Variants in CCR5AS observed in about 807,000 individuals in gnomAD.
CCR5AS encodes the protein CCR5 antisense RNA.
At chr3:46,393,495 AG>A (rs200323261) in intron 1 of CCR5AS, among the ~76,000 whole-genome samples, 85 of 148,106 alleles carry the variant, frequency 5.7e-4, no homozygotes, top group African/African-American at 1.8e-3. Flanking sequence ...AGAAAAAAAA[AG>A]AAGAAGAAAA....
At chr3:46,394,322 G>A (rs1429233638) in intron 1 of CCR5AS, among the ~76,000 whole-genome samples, 1 of 152,130 alleles carries the variant, frequency 6.6e-6, no homozygotes, top group African/African-American at 2.4e-5. Flanking sequence ...CCTCATCAAG[G>A]AGGGCTCTGG....
chr3:46,379,644 C>A (rs907979045), intron 2 of CCR5AS, among the ~76,000 whole-genome samples: 4 of 152,138 alleles, frequency 2.6e-5, no homozygotes, highest in African/African-American at 9.7e-5. Flanking sequence ...CCTGTAATCC[C>A]AGCACTTTGG....
Position 46,406,593 on chromosome 3 carries a change from C to T in CCR5AS, n.163+304G>A, listed in dbSNP as rs140734513. Among the ~76,000 whole-genome samples, 435 of 152,246 alleles carry T rather than the reference C, an allele frequency of 2.9e-3. 1 individual carries two copies. Among genetic ancestry groups the T allele is most frequent in the African/African-American group, 1.0e-2 (415 of 41,534 alleles). On this transcript the variant is annotated intron_variant and non_coding_transcript_variant, in intron 1 of 3. Coordinates refer to ENST00000451485, the Ensembl canonical transcript of CCR5AS. ...CATTCTCTCCCACCCAACTTGATGT[C>T]GCCTCTGTGTCATCACCACGGGATT...
chr3:46,391,188 G>T (rs1299684921), intron 2 of CCR5AS, among the ~76,000 whole-genome samples: 1 of 152,216 alleles, frequency 6.6e-6, no homozygotes, highest in African/African-American at 2.4e-5. Flanking sequence ...CAGATTTCCG[G>T]CACTTGAAGG....
intron 2 of CCR5AS, chr3:46,374,235 T>G (rs976456855): frequency 6.4e-6 from 2 of 310,484 alleles, no homozygotes; most frequent in African/African-American, 4.3e-5. Flanking sequence ...TGACAAACTC[T>G]CCCTTCACTC....
intron 2 of CCR5AS, among the ~76,000 whole-genome samples, chr3:46,382,047 C>T (rs1377455851): frequency 2.0e-5 from 3 of 152,196 alleles, no homozygotes; most frequent in African/African-American, 4.8e-5. Flanking sequence ...CAAAGAGAAG[C>T]CTGTAAAATT....
chr3:46,381,569 A>G (rs546634551), intron 2 of CCR5AS, among the ~76,000 whole-genome samples: 3 of 152,332 alleles, frequency 2.0e-5, no homozygotes, highest in Non-Finnish European at 4.4e-5. Flanking sequence ...CATACCGCTG[A>G]ATATAATAAA....
chr3:46,403,554 C>CT (rs763683045), intron 1 of CCR5AS, among the ~76,000 whole-genome samples: 15 of 152,312 alleles, frequency 9.8e-5, no homozygotes, highest in East Asian at 9.7e-4. Context: ...GCACAGCAGC[C>CT]AAGGAAGGGG....
intron 3 of CCR5AS, among the ~76,000 whole-genome samples, chr3:46,370,313 G>C (rs563762909): frequency 6.6e-6 from 1 of 151,940 alleles, no homozygotes; most frequent in Non-Finnish European, 1.5e-5. Context: ...TAGCTCACCC[G>C]TGAGCCCATA....
chr3:46,368,542 A>G (rs1701623348), intron 3 of CCR5AS, among the ~76,000 whole-genome samples: 1 of 152,216 alleles, frequency 6.6e-6, no homozygotes, highest in Non-Finnish European at 1.5e-5. Context: ...AAAGTGGAGT[A>G]ACGCACACTG....
intron 2 of CCR5AS, among the ~76,000 whole-genome samples, chr3:46,372,284 A>G (rs1406781967): frequency 6.6e-6 from 1 of 152,134 alleles, no homozygotes; most frequent in Non-Finnish European, 1.5e-5. Context: ...TAATCCCAGC[A>G]TTCTAGGAGG....
At chr3:46,388,187 C>T (rs948433928) in intron 2 of CCR5AS, among the ~76,000 whole-genome samples, 1 of 151,866 alleles carries the variant, frequency 6.6e-6, no homozygotes, top group African/African-American at 2.4e-5. Context: ...GTTGGGGCAG[C>T]GAAAATTTTT....
chr3:46,379,983 A>T (rs1224281320), intron 2 of CCR5AS, among the ~76,000 whole-genome samples: 2 of 152,190 alleles, frequency 1.3e-5, no homozygotes, highest in African/African-American at 4.8e-5. Flanking sequence ...AGGCACTTTG[A>T]AAAGGCAGGG....
intron 3 of CCR5AS, among the ~76,000 whole-genome samples, chr3:46,368,087 T>C (rs1575277028): frequency 6.6e-6 from 1 of 152,016 alleles, no homozygotes; most frequent in South Asian, 2.1e-4. Flanking sequence ...GCTCTGAAAA[T>C]ATGGTCCAGA....
rs542689064 is a variant in CCR5AS at position 46,396,809 on chromosome 3, C to T, written n.164-3757G>A. ...GTTCTCTCCTTTCCAATTGTGTCTC[C>T]TGGAAGCCCTCCCCACAAGTCTGCT... On this transcript the variant is annotated intron_variant and non_coding_transcript_variant, in intron 1 of 3. Coordinates refer to ENST00000451485, the Ensembl canonical transcript of CCR5AS. 9.2e-5 allele frequency among the ~76,000 whole-genome samples: 14 copies of T among 152,298 alleles called. No homozygotes were observed. The South Asian group carries it at 2.9e-3, about 32-fold the overall frequency.
At chr3:46,397,983 C>CTGAA (rs1180767984) in intron 1 of CCR5AS, among the ~76,000 whole-genome samples, 1 of 152,172 alleles carries the variant, frequency 6.6e-6, no homozygotes, top group Non-Finnish European at 1.5e-5. Flanking sequence ...GACAGCAAGG[C>CTGAA]TGAAGCCTAT....
chr3:46,367,429 G>A (rs1701611013), intron 3 of CCR5AS, among the ~76,000 whole-genome samples: 1 of 150,608 alleles, frequency 6.6e-6, no homozygotes, highest in Non-Finnish European at 1.5e-5. Flanking sequence ...TAATCGAAAA[G>A]TGCATGGGAA....
intron 2 of CCR5AS, among the ~76,000 whole-genome samples, chr3:46,384,497 A>G (rs1701841934): frequency 6.6e-6 from 1 of 152,162 alleles, no homozygotes; most frequent in Admixed American, 6.5e-5. Context: ...TCTTTGCTAG[A>G]AAAGAAATGA....
At chr3:46,384,015 A>G (rs1307273328) in intron 2 of CCR5AS, among the ~76,000 whole-genome samples, 2 of 152,252 alleles carry the variant, frequency 1.3e-5, no homozygotes, top group Non-Finnish European at 2.9e-5. Flanking sequence ...CGCCAAGGGA[A>G]TCAAGGACTC....
Sources: allele counts gnomAD v4.1 joint callset (sites outside exome capture counted in the v4.1 genomes callset), GRCh38; gene constraint gnomAD v4.1.1; transcripts MANE v1.5; gene names NCBI Gene and HGNC (gene_info 2026-07-23, HGNC 2026-07-21).